The following APAF1 variants were observed in gnomAD, a reference collection of about 807,000 sequenced individuals.
The protein encoded by APAF1 is apoptotic protease-activating factor 1.
In APAF1, 91 loss-of-function variants were observed where a neutral mutation model predicts 152.4. The ratio of observed to expected loss-of-function variants is 0.60; its 90% CI spans 0.50 to 0.71. APAF1 has a LOEUF of 0.71. Ranked by LOEUF, APAF1 falls within the 30% of genes least tolerant of loss-of-function variation. The pLI, the probability that APAF1 is intolerant of heterozygous loss-of-function variation, is 0.00. For synonymous variants in APAF1, 484 were observed against 494.1 expected (o/e 0.98, Z 0.27); for missense variants, 1,283 against 1,472.0 (o/e 0.87, Z 2.10).
intron 16 of APAF1, among the ~76,000 whole-genome samples, chr12:98,688,638 A>ATTTT (rs34602173): frequency 8.4e-6 from 1 of 119,232 alleles, no homozygotes; most frequent in African/African-American, 3.2e-5. Context: ...ACCTGGCGAA[A>ATTTT]TTTTTTTTTT....
At chr12:98,683,714 C>T (rs1410319036) in intron 15 of APAF1, among the ~76,000 whole-genome samples, 2 of 152,172 alleles carry the variant, frequency 1.3e-5, no homozygotes, top group African/African-American at 2.4e-5. Context: ...ATGCTCATAG[C>T]TAGGGTAACC....
intron 22 of APAF1, among the ~76,000 whole-genome samples, chr12:98,720,274 G>A (rs1039896094): frequency 2.0e-5 from 3 of 152,176 alleles, no homozygotes; most frequent in African/African-American, 7.2e-5. Flanking sequence ...TATGAGTTAA[G>A]TAGTTGTGTT....
At chr12:98,669,392 A>G (rs1259921083) in intron 10 of APAF1, among the ~76,000 whole-genome samples, 1 of 152,196 alleles carries the variant, frequency 6.6e-6, no homozygotes, top group Non-Finnish European at 1.5e-5. Flanking sequence ...AAACAGAAAA[A>G]AACGATGAAA....
At chr12:98,731,436 G>A (rs2097761382) in intron 26 of APAF1, among the ~76,000 whole-genome samples, 1 of 152,208 alleles carries the variant, frequency 6.6e-6, no homozygotes, top group Non-Finnish European at 1.5e-5. Flanking sequence ...TCTCAGGTTG[G>A]TGGAATGTGC....
intron 24 of APAF1, 125 bp from the exon 25 acceptor site, chr12:98,725,290 G>A (rs893110424): frequency 8.1e-7 from 1 of 1,241,392 alleles, no homozygotes; most frequent in Non-Finnish European, 1.2e-6. Context: ...GGCATCTCAT[G>A]ACAGTTTATG....
In APAF1 at chr12:98,732,196, G is replaced by A. The variant is rs760739557; in HGVS notation, c.3601-224G>A. Among the ~76,000 whole-genome samples, 215 of 152,316 alleles carry A rather than the reference G, an allele frequency of 1.4e-3. No individual in the cohort carries two copies. In the Middle Eastern group the frequency reaches 0.017, roughly 12 times the overall value. ...GCATGTTTCTCCAGCACAACTCAAC[G>A]GTTGGAGTTGGGTGTAGGCGGAGCA... On this transcript the variant is annotated intron_variant, in intron 26 of 26. Transcript: ENST00000551964.
chr12:98,701,326 T>TG (rs2097715213), intron 17 of APAF1, among the ~76,000 whole-genome samples: 1 of 152,222 alleles, frequency 6.6e-6, no homozygotes, highest in Non-Finnish European at 1.5e-5. Flanking sequence ...GCAGCATTGG[T>TG]GTACAAGTAT....
chr12:98,703,249 T>G, intron 17 of APAF1, 122 bp from the exon 18 acceptor site: 1 of 1,040,920 alleles, frequency 9.6e-7, no homozygotes, highest in Non-Finnish European at 1.5e-6. Flanking sequence ...TGTCAATAAT[T>G]ATGCCAGTTA....
At position 98,734,935 on chromosome 12, in the gene APAF1, T is replaced by G. The variant is rs967976364; in HGVS notation, c.*2369T>G. The G allele has an allele frequency of 2.8e-6, 1 of 356,998 alleles. No individual in the cohort carries two copies. The highest frequency in any genetic ancestry group is 2.1e-5 in the African/African-American group (1 of 47,824). 22.1% of individuals were successfully genotyped at this position (356,998 alleles called of 1,614,324 possible). On this transcript the variant is annotated 3_prime_UTR_variant, in exon 27 of 27. Coordinates refer to ENST00000551964, the MANE Select transcript of APAF1 (RefSeq NM_181861.2). ...ACACACATCAGGTTTTAAAAAGCCTTGAATGGCCCTTGTCTTAAAAAGAAA... is the reference window on the plus strand; with the variant it reads ...ACACACATCAGGTTTTAAAAAGCCTGGAATGGCCCTTGTCTTAAAAAGAAA...
intron 12 of APAF1, among the ~76,000 whole-genome samples, chr12:98,676,170 G>GT (rs533443069): frequency 8.3e-4 from 127 of 152,170 alleles, no homozygotes; most frequent in Middle Eastern, 3.4e-3. Flanking sequence ...TGCACTAATA[G>GT]TTTTTTCTGG....
At chr12:98,715,707 C>T (rs1388168922) in intron 22 of APAF1, among the ~76,000 whole-genome samples, 155 bp downstream of exon 22, 3 of 152,114 alleles carry the variant, frequency 2.0e-5, no homozygotes, top group African/African-American at 7.2e-5. Flanking sequence ...ATGGGTGTTT[C>T]ATATTTTTCT....
chr12:98,661,749 C>G (rs1384721827), intron 5 of APAF1, among the ~76,000 whole-genome samples: 5 of 151,750 alleles, frequency 3.3e-5, no homozygotes, highest in Non-Finnish European at 5.9e-5. Context: ...GATTACAGGC[C>G]TAGAGTATTT....
rs964548078 is a variant in APAF1 at position 98,700,165 on chromosome 12, C to A, written c.2466+596C>A. On this transcript the variant is annotated intron_variant, in intron 17 of 26. Transcript: ENST00000551964. ...ATTTGTGGTATTCAGAGTGCCCTCA[C>A]ATATAATTTCTTTTGATATAAGTAT... Among the ~76,000 whole-genome samples the A allele has an allele frequency of 2.0e-5, 3 of 152,272 alleles. No individual in the cohort carries two copies. In the South Asian group the frequency reaches 6.2e-4, roughly 32 times the overall value.
At chr12:98,676,313 G>A (rs1309380622) in intron 12 of APAF1, among the ~76,000 whole-genome samples, 2 of 152,022 alleles carry the variant, frequency 1.3e-5, no homozygotes, top group Non-Finnish European at 2.9e-5. Flanking sequence ...GGGTTCAAGC[G>A]ATTCTCATGC....
chr12:98,677,883 C>T (rs2097688231), intron 13 of APAF1, among the ~76,000 whole-genome samples: 1 of 152,180 alleles, frequency 6.6e-6, no homozygotes, highest in African/African-American at 2.4e-5. Context: ...GATTAAAAAA[C>T]AGTGATTAGG....
At position 98,649,271 on chromosome 12, in the gene APAF1, C is replaced by T. The variant is rs143016650; in HGVS notation, c.329-216C>T. The T allele has an allele frequency of 1.6e-4, 151 of 949,112 alleles. No homozygotes were observed. In the East Asian group the frequency reaches 0.015, roughly 95 times the overall value. The allele number at this position is 949,112 out of a possible 1,614,324, so 58.8% of individuals were successfully genotyped here. A position where few individuals can be genotyped will look rare whatever the true frequency, so the allele number is the denominator to read the frequency against. On this transcript the variant is annotated intron_variant, in intron 3 of 26. Coordinates refer to ENST00000551964, the MANE Select transcript of APAF1 (RefSeq NM_181861.2). ...TAAAGCAGATATAGATAGAAACTTC[C>T]ATTTTCTTTAGTCATCTTGAAGGAT...
intron 3 of APAF1, chr12:98,649,277 C>T (rs971802246): frequency 1.2e-5 from 11 of 928,210 alleles, no homozygotes; most frequent in Non-Finnish European, 1.3e-5. Context: ...CTTCCATTTT[C>T]TTTAGTCATC....
At position 98,723,416 on chromosome 12, in the gene APAF1, A is replaced by T. The variant is rs867871522; in HGVS notation, c.3204+104A>T. 29 of 1,322,478 alleles carry T rather than the reference A, an allele frequency of 2.2e-5. No homozygotes were observed. The African/African-American group carries it at 3.6e-4, about 16-fold the overall frequency. 81.9% of individuals were successfully genotyped at this position (1,322,478 alleles called of 1,614,324 possible). On this transcript the variant is annotated intron_variant, in intron 23 of 26. Coordinates refer to ENST00000551964, the MANE Select transcript of APAF1 (RefSeq NM_181861.2). Reference sequence around the variant, plus strand: ...TGTGAGGCTAATTACTTACTTAAAAATTTTTAATTTTTCTCATGCTTGTTT... The same window carrying T: ...TGTGAGGCTAATTACTTACTTAAAATTTTTTAATTTTTCTCATGCTTGTTT...
At chr12:98,673,451 A>C (rs1431698598) in intron 12 of APAF1, among the ~76,000 whole-genome samples, 1 of 151,920 alleles carries the variant, frequency 6.6e-6, no homozygotes, top group Admixed American at 6.6e-5. Flanking sequence ...ACAAAAAAAA[A>C]AAAAACAAAA....
Sources: allele counts gnomAD v4.1 joint callset (sites outside exome capture counted in the v4.1 genomes callset), GRCh38; gene constraint gnomAD v4.1.1; transcripts MANE v1.5; gene names NCBI Gene and HGNC (gene_info 2026-07-23, HGNC 2026-07-21).